Variants in LEKR1 observed in about 807,000 individuals in gnomAD.
LEKR1 encodes the protein protein LEKR1.
A neutral mutation model predicts 72.4 loss-of-function variants in LEKR1; 59 were observed. The ratio of observed to expected loss-of-function variants is 0.82; its 90% confidence interval spans 0.66 to 1.01. LEKR1 has a LOEUF of 1.01. Among genes scored for constraint, LEKR1 ranks in the 50% least tolerant of loss-of-function variants. The pLI is 0.00. For synonymous variants in LEKR1, 257 were observed against 263.2 expected (o/e 0.98, Z 0.23); for missense variants, 728 against 759.2 (o/e 0.96, Z 0.48).
At chr3:156,861,742 A>G (rs1156279744) in intron 3 of LEKR1, among the ~76,000 whole-genome samples, 5 of 152,128 alleles carry the variant, frequency 3.3e-5, no homozygotes, top group African/African-American at 1.2e-4. Context: ...TTTTGTCTAG[A>G]TGTGTAAGTA....
At chr3:157,001,402 T>G (rs1168363333) in intron 9 of LEKR1, among the ~76,000 whole-genome samples, 3 of 152,152 alleles carry the variant, frequency 2.0e-5, no homozygotes, top group Non-Finnish European at 4.4e-5. Flanking sequence ...TGAAGACATC[T>G]CTAAGAGAAC....
intron 3 of LEKR1, among the ~76,000 whole-genome samples, chr3:156,912,987 A>G (rs1471000030): frequency 6.6e-6 from 1 of 152,036 alleles, no homozygotes; most frequent in Non-Finnish European, 1.5e-5. Context: ...GCTTCTTTCA[A>G]AGGGCCTGTG....
At chr3:156,919,200 C>A (rs62275804) in intron 3 of LEKR1, among the ~76,000 whole-genome samples, 4,832 of 152,292 alleles carry the variant, frequency 0.032, 115 homozygotes, top group Non-Finnish European at 0.047. Context: ...TCCCCAGATG[C>A]TCCACATTAA....
intron 5 of LEKR1, among the ~76,000 whole-genome samples, chr3:156,931,115 GAATA>G (rs1470996265): frequency 6.6e-6 from 1 of 152,088 alleles, no homozygotes; most frequent in Non-Finnish European, 1.5e-5. Flanking sequence ...GTATGAAAAT[GAATA>G]GTTAAATCAG....
chr3:156,948,045 A>G (rs962763597), intron 6 of LEKR1, among the ~76,000 whole-genome samples: 2 of 151,222 alleles, frequency 1.3e-5, no homozygotes, highest in African/African-American at 4.8e-5. Context: ...TCTAATGCCA[A>G]CAAGGATTCT....
chr3:156,946,991 T>A (rs1223072280), intron 6 of LEKR1, among the ~76,000 whole-genome samples: 1 of 151,348 alleles, frequency 6.6e-6, no homozygotes, highest in Non-Finnish European at 1.5e-5. Flanking sequence ...TCTGATTGTA[T>A]TTATCTGGGT....
intron 10 of LEKR1, among the ~76,000 whole-genome samples, chr3:157,020,006 C>T (rs757851595): frequency 2.6e-5 from 4 of 152,122 alleles, no homozygotes; most frequent in Admixed American, 1.3e-4. Flanking sequence ...AAAAACAAAG[C>T]TAGTAATAGT....
chr3:156,949,843 T>A lies in LEKR1; in HGVS notation c.745+7129T>A, dbSNP rs148320857. 4.4e-3 allele frequency among the ~76,000 whole-genome samples: 671 copies of A among 151,424 alleles called. 2 individuals are homozygous for A. Among genetic ancestry groups the A allele is most frequent in the African/African-American group, 0.016 (648 of 41,448 alleles). The stretch of plus-strand genomic sequence containing the variant: ...TTCATAATAGAAATAGGCCTTTATT[T>A]CTTTATTTTAATATCTTTGTCAGAT... On this transcript the variant is annotated intron_variant, in intron 6 of 12. Coordinates refer to ENST00000356539, the MANE Select transcript of LEKR1 (RefSeq NM_001004316.3).
In LEKR1 at chr3:157,045,577, C is replaced by T. The variant is rs747163271; in HGVS notation, c.1906C>T (p.Leu636=). The change falls in exon 13 of 13, where the codon CTG becomes TTG. Residue 636 remains leucine, a synonymous_variant. Coordinates refer to ENST00000356539, the MANE Select transcript of LEKR1 (RefSeq NM_001004316.3). ...TGAAAAAGGAATCCAAATTCCCAAC[C>T]TGCGCGGGGTGTCAAAACCCACCAC... ...NSEKGIQIPN[L]RGVSKPTTFP... The T allele has an allele frequency of 6.2e-7, 1 of 1,614,158 alleles. No individual in the cohort carries two copies. The highest frequency in any genetic ancestry group is 8.5e-7 in the Non-Finnish European group (1 of 1,180,024).
intron 10 of LEKR1, among the ~76,000 whole-genome samples, chr3:157,020,343 A>T (rs1276711887): frequency 2.0e-5 from 3 of 146,618 alleles, no homozygotes; most frequent in African/African-American, 7.5e-5. Flanking sequence ...TTAGTTACAT[A>T]TGTATACATG....
At chr3:156,947,723 A>G (rs1726809570) in intron 6 of LEKR1, among the ~76,000 whole-genome samples, 1 of 151,112 alleles carries the variant, frequency 6.6e-6, no homozygotes, top group African/African-American at 2.4e-5. Flanking sequence ...ACTAGCAACT[A>G]TTACTATATT....
chr3:156,971,216 C>T (rs1292604243), intron 6 of LEKR1, among the ~76,000 whole-genome samples: 9 of 152,070 alleles, frequency 5.9e-5, no homozygotes, highest in Non-Finnish European at 1.3e-4. Context: ...CTTTGACAAA[C>T]CTGACAAAAA....
intron 3 of LEKR1, among the ~76,000 whole-genome samples, chr3:156,854,554 T>TA (rs1429532299): frequency 6.6e-6 from 1 of 151,788 alleles, no homozygotes; most frequent in Non-Finnish European, 1.5e-5. Context: ...CCTTTTTTTT[T>TA]TTTGAGACAG....
At chr3:156,929,028 A>G (rs1007876643) in intron 5 of LEKR1, among the ~76,000 whole-genome samples, 3 of 152,124 alleles carry the variant, frequency 2.0e-5, no homozygotes, top group African/African-American at 4.8e-5. Context: ...ATTAGCTATC[A>G]TAACAATGCT....
chr3:157,024,773 T>G lies in LEKR1; in HGVS notation c.1217T>G (p.Leu406Arg). ...TGCCATTTCTAGATTGAAGCAGAAC[T>G]TGCCAAGGAAAGGGCCCAACACTTG... ...DNWKEKIEAELAKERAQHLVE... is the reference protein window; with the variant it reads ...DNWKEKIEAERAKERAQHLVE... Residue 406 changes from leucine to arginine, a missense_variant, in exon 11 of 13, where the codon CTT (leucine) becomes CGT (arginine). Coordinates refer to ENST00000356539, the MANE Select transcript of LEKR1 (RefSeq NM_001004316.3). 1 of 1,605,954 alleles carries G rather than the reference T, an allele frequency of 6.2e-7. No homozygotes were observed. Among genetic ancestry groups the G allele is most frequent in the Non-Finnish European group, 8.5e-7 (1 of 1,178,072 alleles).
Position 157,045,438 on chromosome 3 carries a change from TAAGCTTCGTGG to T in LEKR1, c.1771_1781del (p.Leu591PhefsTer22), listed in dbSNP as rs1272765225. The T allele has an allele frequency of 6.2e-7, 1 of 1,614,124 alleles. No homozygotes were observed. Among genetic ancestry groups the T allele is most frequent in the Non-Finnish European group, 8.5e-7 (1 of 1,180,002 alleles). On this transcript the variant is annotated frameshift_variant, in exon 13 of 13. Coordinates refer to ENST00000356539, the MANE Select transcript of LEKR1 (RefSeq NM_001004316.3). LOFTEE classifies it low-confidence loss of function (END_TRUNC). ...CCAGAGAACAGCTCCTGGAGCTCAG[TAAGCTTCGTGG>T]AAGTTTACCATTCTCACCGTGTTCC...
chr3:156,995,870 G>A (rs1001620523), intron 9 of LEKR1, among the ~76,000 whole-genome samples: 20 of 152,104 alleles, frequency 1.3e-4, no homozygotes, highest in Non-Finnish European at 2.6e-4. Context: ...TGTCCTTGTA[G>A]ACCAGTAGGT....
chr3:156,953,793 T>C (rs968189949), intron 6 of LEKR1, among the ~76,000 whole-genome samples: 11 of 151,872 alleles, frequency 7.2e-5, no homozygotes, highest in Admixed American at 7.2e-4. Flanking sequence ...GTTGATTCCA[T>C]GTCTTTGCTA....
Position 156,980,617 on chromosome 3 carries a change from T to A in LEKR1, c.827+1342T>A, listed in dbSNP as rs184460933. 4.0e-3 allele frequency among the ~76,000 whole-genome samples: 608 copies of A among 151,738 alleles called. 5 individuals carry two copies. The highest frequency in any genetic ancestry group is 0.031 in the Middle Eastern group (9 of 290). On this transcript the variant is annotated intron_variant, in intron 7 of 12. Transcript: ENST00000356539. ...TCCCTCTAATAACATCAAGGAGGGG[T>A]TTGGCCATGTGGATATCTCTTGTGG...
Sources: gnomAD v4.1 joint callset for allele counts (sites outside exome capture counted in the v4.1 genomes callset) on GRCh38, gnomAD v4.1.1 for gene constraint, MANE v1.5 for transcripts, NCBI Gene and HGNC (gene_info 2026-07-23, HGNC 2026-07-21) for gene names.